Variants in STK39 observed in about 807,000 individuals in gnomAD.
The protein encoded by STK39 is serine/threonine kinase 39.
In STK39, 20 loss-of-function variants were observed where a neutral mutation model predicts 77.8. The observed-to-expected ratio is 0.26, with a 90% CI of 0.18 to 0.37. STK39 has a LOEUF of 0.37. STK39 is among the 10% of genes least tolerant of loss of function. STK39 has a pLI of 1.00. For synonymous variants in STK39, 246 were observed against 234.1 expected, an observed-to-expected ratio of 1.05 and a Z score of -0.47; for missense variants, 479 against 656.5, an observed-to-expected ratio of 0.73 and a Z score of 2.95.
At chr2:167,999,347 C>T (rs1683932450) in intron 16 of STK39, among the ~76,000 whole-genome samples, 1 of 152,238 alleles carries the variant, frequency 6.6e-6, no homozygotes, top group African/African-American at 2.4e-5. Context: ...TGTGTACTGA[C>T]TTGTCTAAGG....
intron 14 of STK39, among the ~76,000 whole-genome samples, chr2:168,049,731 AC>A (rs1323326494): frequency 2.0e-5 from 3 of 152,066 alleles, no homozygotes; most frequent in Non-Finnish European, 4.4e-5. Flanking sequence ...AGTAACTATG[AC>A]TCCAGCCACC....
At chr2:168,225,922 A>C (rs1401419526) in intron 1 of STK39, among the ~76,000 whole-genome samples, 2 of 152,178 alleles carry the variant, frequency 1.3e-5, no homozygotes, top group Non-Finnish European at 2.9e-5. Flanking sequence ...CTCACTAAAA[A>C]CTAGATTCTC....
At chr2:168,127,596 T>C (rs1444226702) in intron 10 of STK39, among the ~76,000 whole-genome samples, 1 of 152,242 alleles carries the variant, frequency 6.6e-6, no homozygotes, top group African/African-American at 2.4e-5. Context: ...AATATAAGAC[T>C]GGAAGTTGAA....
At chr2:167,985,197 T>C (rs1177141724) in intron 16 of STK39, among the ~76,000 whole-genome samples, 1 of 152,256 alleles carries the variant, frequency 6.6e-6, no homozygotes, top group Non-Finnish European at 1.5e-5. Context: ...AAATACTTTA[T>C]CAGGGAATTC....
intron 5 of STK39, among the ~76,000 whole-genome samples, 167 bp downstream of exon 5, chr2:168,161,619 TC>T (rs1366649708): frequency 6.6e-6 from 1 of 152,192 alleles, no homozygotes; most frequent in Non-Finnish European, 1.5e-5. Flanking sequence ...TAATGACTTA[TC>T]AAAACAATAA....
intron 10 of STK39, among the ~76,000 whole-genome samples, chr2:168,118,170 C>T (rs1238638655): frequency 2.0e-5 from 3 of 151,882 alleles, no homozygotes; most frequent in Non-Finnish European, 4.4e-5. Context: ...AGGAGGCAGT[C>T]GGGAGCTTCT....
rs57078587 is a variant in STK39 at position 168,026,220 on chromosome 2, T to TA, written c.1377-9126dup. Among the ~76,000 whole-genome samples, 727 of 152,266 alleles carry TA rather than the reference T, an allele frequency of 4.8e-3. 6 individuals carry two copies. The highest frequency in any genetic ancestry group is 0.016 in the African/African-American group (676 of 41,546). On this transcript the variant is annotated intron_variant, in intron 14 of 17. Transcript: ENST00000355999. ...GGGAAAAACAATGTAAGTAAGTGCTTAAAAAATACTAGTAGCGAAGGAAAT... is the reference window on the plus strand; with the variant it reads ...GGGAAAAACAATGTAAGTAAGTGCTTAAAAAAATACTAGTAGCGAAGGAAAT...
rs75487497 is a variant in STK39, at chr2:168,245,770, T to C, written c.208+1458A>G. 7.3e-3 allele frequency among the ~76,000 whole-genome samples: 1,107 copies of C among 152,272 alleles called. 9 individuals are homozygous for C. The highest frequency in any genetic ancestry group is 0.025 in the African/African-American group (1,054 of 41,536). On this transcript the variant is annotated intron_variant, in intron 1 of 17. Transcript: ENST00000355999. ...AGGTTTCCATGGAATATTCCAGGCT[T>C]TGAGAAGCCCCTGAAGCTATTTCAG...
chr2:168,232,177 CAT>C (rs537914257), intron 1 of STK39: 239 of 232,190 alleles, frequency 1.0e-3, no homozygotes, highest in South Asian at 6.5e-3. Flanking sequence ...ACGTTTTTCA[CAT>C]AGTCTTCCGA....
intron 16 of STK39, among the ~76,000 whole-genome samples, chr2:167,987,877 T>C (rs956781155): frequency 6.6e-6 from 1 of 152,230 alleles, no homozygotes; most frequent in South Asian, 2.1e-4. Context: ...AAACTATTAT[T>C]AATGATTAAT....
At chr2:168,038,064 G>A (rs775849636) in intron 14 of STK39, among the ~76,000 whole-genome samples, 2 of 152,110 alleles carry the variant, frequency 1.3e-5, no homozygotes, top group Non-Finnish European at 2.9e-5. Context: ...AATAGGTGTG[G>A]TTTAGTTGAA....
intron 1 of STK39, among the ~76,000 whole-genome samples, chr2:168,211,912 C>G (rs751315822): frequency 1.3e-5 from 2 of 152,218 alleles, no homozygotes; most frequent in Non-Finnish European, 2.9e-5. Flanking sequence ...TGCATACCAG[C>G]TGCTGGGAAT....
At chr2:168,105,252 G>A (rs1434561073) in intron 10 of STK39, among the ~76,000 whole-genome samples, 1 of 152,146 alleles carries the variant, frequency 6.6e-6, no homozygotes, top group Non-Finnish European at 1.5e-5. Context: ...ACCATACTCA[G>A]TCTGATGAAC....
rs181005605 is a variant in STK39, at chr2:168,151,174, T to C, written c.629-10416A>G. Among the ~76,000 whole-genome samples, 105 of 152,258 alleles carry C rather than the reference T, an allele frequency of 6.9e-4. 2 individuals carry two copies. Among genetic ancestry groups the C allele is most frequent in the Admixed American group, 6.0e-3 (92 of 15,302 alleles). On this transcript the variant is annotated intron_variant, in intron 5 of 17. Coordinates refer to ENST00000355999, the MANE Select transcript of STK39 (RefSeq NM_013233.3). The stretch of plus-strand genomic sequence containing the variant: ...CAAATCCATCTTCCCTATCTATTAA[T>C]GAGGGAGCAGTAGTCATAACCTTCT...
At chr2:168,141,476 T>C (rs1318075787) in intron 5 of STK39, among the ~76,000 whole-genome samples, 1 of 152,206 alleles carries the variant, frequency 6.6e-6, no homozygotes, top group Non-Finnish European at 1.5e-5. Context: ...AACCTATATA[T>C]ACATACAGGC....
rs537336554 is a variant in STK39, at chr2:168,238,959, G to GA, written c.208+8268dup. Reference sequence around the variant, plus strand: ...TACATGGAGAATTTTATTTAAATAGGAAAAAAAAACTTTCCCAAAAAGTAC... The same window carrying GA: ...TACATGGAGAATTTTATTTAAATAGGAAAAAAAAAACTTTCCCAAAAAGTAC... On this transcript the variant is annotated intron_variant, in intron 1 of 17. Transcript: ENST00000355999. Among the ~76,000 whole-genome samples, 62 of 150,960 alleles carry GA rather than the reference G, an allele frequency of 4.1e-4. 1 individual carries two copies. The South Asian group carries it at 8.4e-3, about 20-fold the overall frequency.
chr2:167,995,212 C>T (rs1276606197), intron 16 of STK39, among the ~76,000 whole-genome samples: 2 of 151,858 alleles, frequency 1.3e-5, no homozygotes, highest in East Asian at 1.9e-4. Context: ...CGGGTTCAAG[C>T]GATTCTCCTG....
intron 1 of STK39, among the ~76,000 whole-genome samples, chr2:168,232,816 G>A (rs952905729): frequency 5.9e-5 from 9 of 152,064 alleles, no homozygotes; most frequent in African/African-American, 2.2e-4. Context: ...GGAGGCTGAG[G>A]CAGGAGAATC....
intron 1 of STK39, among the ~76,000 whole-genome samples, chr2:168,219,316 G>A (rs186750971): frequency 2.1e-4 from 32 of 152,002 alleles, no homozygotes; most frequent in African/African-American, 4.8e-4. Flanking sequence ...AGATATTTTC[G>A]GTGTGTTCAG....
Sources: allele counts gnomAD v4.1 joint callset (sites outside exome capture counted in the v4.1 genomes callset), GRCh38; gene constraint gnomAD v4.1.1; transcripts MANE v1.5; gene names NCBI Gene and HGNC (gene_info 2026-07-23, HGNC 2026-07-21).